The following WDR82 variants were observed in gnomAD, a reference collection of about 807,000 sequenced individuals.
The protein encoded by WDR82 is WD repeat domain 82.
In WDR82, 8 loss-of-function variants were observed where a neutral mutation model predicts 36.1. The ratio of observed to expected loss-of-function variants is 0.22; its 90% CI spans 0.13 to 0.40. The LOEUF is 0.40. Ranked by LOEUF, WDR82 falls within the 10% of genes least tolerant of loss-of-function variation. The pLI is 1.00. For missense variants in WDR82, 185 were observed against 400.5 expected, an observed-to-expected ratio of 0.46 and a Z score of 4.59; for synonymous variants, 129 against 137.8, an observed-to-expected ratio of 0.94 and a Z score of 0.45.
chr3:52,262,419 C>CA (rs1267957682), intron 3 of WDR82, among the ~76,000 whole-genome samples: 1 of 152,196 alleles, frequency 6.6e-6, no homozygotes, highest in African/African-American at 2.4e-5. Flanking sequence ...TAAAAAAACA[C>CA]AAAAAAGCAT....
At position 52,256,194 on chromosome 3, in the gene WDR82, C is replaced by T. The variant is rs1454154249; in HGVS notation, c.*1296G>A. On this transcript the variant is annotated 3_prime_UTR_variant, in exon 9 of 9. Transcript: ENST00000296490. Reference sequence around the variant, plus strand: ...CCAAAGAAACAGCAAACACTATCAGCTTTGCTTCAGTCTTCTGAAATGAAA... The same window carrying T: ...CCAAAGAAACAGCAAACACTATCAGTTTTGCTTCAGTCTTCTGAAATGAAA... The T allele has an allele frequency of 6.5e-6, 1 of 153,964 alleles. No homozygotes were observed. Among genetic ancestry groups the T allele is most frequent in the Non-Finnish European group, 1.5e-5 (1 of 68,078 alleles). 9.5% of individuals were successfully genotyped at this position (153,964 alleles called of 1,614,324 possible).
chr3:52,263,183 T>C (rs1479933746), intron 3 of WDR82, among the ~76,000 whole-genome samples: 1 of 152,146 alleles, frequency 6.6e-6, no homozygotes. Flanking sequence ...TTTTATGCCA[T>C]GGCATTCAGC....
intron 3 of WDR82, among the ~76,000 whole-genome samples, chr3:52,263,382 G>T (rs1275835944): frequency 2.0e-5 from 3 of 152,138 alleles, no homozygotes; most frequent in African/African-American, 4.8e-5. Flanking sequence ...CACCTTAATG[G>T]GAATGGTGGG....
intron 1 of WDR82, among the ~76,000 whole-genome samples, chr3:52,277,730 G>A (rs1041812806): frequency 2.0e-5 from 3 of 152,250 alleles, no homozygotes; most frequent in Non-Finnish European, 4.4e-5. Context: ...GCAGGGGATG[G>A]GCGGAGTGCC....
Position 52,278,417 on chromosome 3 carries a change from A to AGCGG in WDR82, c.-60_-57dup. 8.1e-7 allele frequency: 1 copy of AGCGG among 1,238,946 alleles called. No homozygotes were observed. The highest frequency in any genetic ancestry group is 1.0e-6 in the Non-Finnish European group (1 of 987,936). 76.7% of individuals were successfully genotyped at this position (1,238,946 alleles called of 1,614,324 possible). A position where few individuals can be genotyped will look rare whatever the true frequency, so the allele number is the denominator to read the frequency against. On this transcript the variant is annotated 5_prime_UTR_variant, in exon 1 of 9. Coordinates refer to ENST00000296490, the MANE Select transcript of WDR82 (RefSeq NM_025222.4). ...AGGGCCGGGGCGGGGCCCGGCGGCGAGCGGGCGGGCTGCCGAGGGGCCAAC... is the reference window on the plus strand; with the variant it reads ...AGGGCCGGGGCGGGGCCCGGCGGCGAGCGGGCGGGCGGGCTGCCGAGGGGCCAAC...
At chr3:52,274,371 C>T (rs1380531520) in intron 1 of WDR82, among the ~76,000 whole-genome samples, 1 of 151,776 alleles carries the variant, frequency 6.6e-6, no homozygotes, top group Non-Finnish European at 1.5e-5. Context: ...AGTTTGAGAC[C>T]AGCCTGGGCA....
In WDR82 at chr3:52,261,386, G is replaced by A. The variant is rs1316432615; in HGVS notation, c.420C>T (p.Asn140=). 3 of 1,611,048 alleles carry A rather than the reference G, an allele frequency of 1.9e-6. No individual in the cohort carries two copies. Among genetic ancestry groups the A allele is most frequent in the Admixed American group, 1.7e-5 (1 of 59,404 alleles). ...AACTGTGAGGTACCATTACCTGGCA[G>A]TTAGGAGACCGGAGATCCCAGAGTC... ...TIRLWDLRSP[N]CQGLMHLQGK... is the part of the protein sequence containing the mutation. Residue 140 remains asparagine, a synonymous_variant, in exon 4 of 9, where the codon AAC becomes AAT. Coordinates refer to ENST00000296490, the MANE Select transcript of WDR82 (RefSeq NM_025222.4).
At chr3:52,264,490 T>A (rs980869113) in intron 3 of WDR82, among the ~76,000 whole-genome samples, 1 of 152,140 alleles carries the variant, frequency 6.6e-6, no homozygotes, top group Admixed American at 6.5e-5. Flanking sequence ...TAAAGCCCCA[T>A]AGACGATTCT....
intron 1 of WDR82, among the ~76,000 whole-genome samples, chr3:52,274,286 G>A (rs1354634222): frequency 1.3e-5 from 2 of 152,070 alleles, no homozygotes; most frequent in Admixed American, 6.5e-5. Flanking sequence ...CTATGCCTTC[G>A]GCCGGTCACA....
At chr3:52,275,574 A>G (rs1700195650) in intron 1 of WDR82, among the ~76,000 whole-genome samples, 1 of 152,136 alleles carries the variant, frequency 6.6e-6, no homozygotes, top group Non-Finnish European at 1.5e-5. Flanking sequence ...GTTACATAAG[A>G]ATGTCTTTGT....
chr3:52,257,375 A>G lies in WDR82; in HGVS notation c.*115T>C. The G allele has an allele frequency of 1.4e-6, 2 of 1,432,984 alleles. No homozygotes were observed. Among genetic ancestry groups the G allele is most frequent in the Admixed American group, 3.5e-5 (2 of 57,798 alleles). 88.8% of individuals were successfully genotyped at this position (1,432,984 alleles called of 1,614,324 possible). Reference sequence around the variant, plus strand: ...AGCACATCCATGGGAAGGCCATGTAAAAGGATGTTCTCCAGCCCAGTCAAA... The same window carrying G: ...AGCACATCCATGGGAAGGCCATGTAGAAGGATGTTCTCCAGCCCAGTCAAA... On this transcript the variant is annotated 3_prime_UTR_variant, in exon 9 of 9. Coordinates refer to ENST00000296490, the MANE Select transcript of WDR82 (RefSeq NM_025222.4).
intron 2 of WDR82, among the ~76,000 whole-genome samples, chr3:52,268,597 G>C (rs531474068): frequency 6.6e-6 from 1 of 151,984 alleles, no homozygotes. Context: ...AGGATCCTAA[G>C]GTTTTACATT....
rs545096034 is a variant in WDR82 at position 52,270,265 on chromosome 3, G to A, written c.259+447C>T. ...CTCCTGTGTAGCTGGGATTATAGGC[G>A]TGCACCACTGTGCCCAGCTAACTTC... is the stretch of plus-strand genomic sequence containing the variant. On this transcript the variant is annotated intron_variant, in intron 2 of 8. Transcript: ENST00000296490. Among the ~76,000 whole-genome samples the A allele has an allele frequency of 4.6e-5, 7 of 152,246 alleles. No homozygotes were observed. In the East Asian group the frequency reaches 9.7e-4, roughly 21 times the overall value.
At chr3:52,266,666 G>A (rs900890598) in intron 3 of WDR82, among the ~76,000 whole-genome samples, 46 of 152,158 alleles carry the variant, frequency 3.0e-4, no homozygotes, top group African/African-American at 1.1e-3. Context: ...TCAAACTCCC[G>A]GCCTCAAGTG....
intron 1 of WDR82, 84 bp downstream of exon 1, chr3:52,278,117 G>A: frequency 7.3e-7 from 1 of 1,369,958 alleles, no homozygotes; most frequent in Non-Finnish European, 9.6e-7. Flanking sequence ...GCTGAAGTCG[G>A]GACGGAGGGC....
chr3:52,259,423 G>A (rs1700040393), intron 6 of WDR82, among the ~76,000 whole-genome samples, 157 bp from the exon 7 acceptor site: 2 of 152,184 alleles, frequency 1.3e-5, no homozygotes, highest in Non-Finnish European at 2.9e-5. Flanking sequence ...GGTTGCCATC[G>A]TTGACAATCC....
intron 2 of WDR82, chr3:52,268,268 G>A (rs1164572403): frequency 4.3e-6 from 2 of 469,328 alleles, no homozygotes; most frequent in Admixed American, 2.4e-5. Flanking sequence ...GGCAGCTGGC[G>A]CGCTGTTCCT....
At position 52,258,763 on chromosome 3, in the gene WDR82, G is replaced by T. The variant is rs1006536684; in HGVS notation, c.770-85C>A. The T allele has an allele frequency of 7.6e-6, 12 of 1,586,354 alleles. No homozygotes were observed. The East Asian group carries it at 2.5e-4, about 33-fold the overall frequency. On this transcript the variant is annotated intron_variant, in intron 7 of 8. Transcript: ENST00000296490. Reference sequence around the variant, plus strand: ...AATGAGACATGGATTGAGATCTGAGGATACGCCAAGCTTTAGGACCCATCC... The same window carrying T: ...AATGAGACATGGATTGAGATCTGAGTATACGCCAAGCTTTAGGACCCATCC...
chr3:52,269,142 T>G (rs906801115), intron 2 of WDR82, among the ~76,000 whole-genome samples: 1 of 152,158 alleles, frequency 6.6e-6, no homozygotes, highest in African/African-American at 2.4e-5. Context: ...TACTGCAAAA[T>G]GTGAGATGAT....
Sources: gnomAD v4.1 joint callset for allele counts (sites outside exome capture counted in the v4.1 genomes callset) on GRCh38, gnomAD v4.1.1 for gene constraint, MANE v1.5 for transcripts, NCBI Gene and HGNC (gene_info 2026-07-23, HGNC 2026-07-21) for gene names.